TRAPPC9: variants seen among roughly 807,000 people sequenced by gnomAD.
The protein encoded by TRAPPC9 is trafficking protein particle complex subunit 9, also known as IKK2 binding protein.
TRAPPC9 carries 83 observed loss-of-function variants against 124.0 expected under a neutral mutation model. The observed-to-expected ratio is 0.67, with a 90% CI of 0.56 to 0.80. TRAPPC9 has a LOEUF of 0.80. Among genes scored for constraint, TRAPPC9 ranks in the 30% least tolerant of loss-of-function variants. The pLI is 0.00. For synonymous variants in TRAPPC9, 638 were observed against 617.5 expected, an observed-to-expected ratio of 1.03 and a Z score of -0.49; for missense variants, 1,302 against 1,508.3, an observed-to-expected ratio of 0.86 and a Z score of 2.27.
intron 21 of TRAPPC9, among the ~76,000 whole-genome samples, chr8:139,773,076 C>A (rs544546813): frequency 7.7e-4 from 117 of 152,236 alleles, no homozygotes; most frequent in Non-Finnish European, 1.2e-3. Flanking sequence ...TGCCCTGGGC[C>A]ACCTCGCAGT....
At chr8:140,347,406 A>G (rs192911844) in intron 9 of TRAPPC9, among the ~76,000 whole-genome samples, 200 of 152,316 alleles carry the variant, frequency 1.3e-3, no homozygotes, top group Non-Finnish European at 2.4e-3. Flanking sequence ...GTGCATATGT[A>G]TGGACATGTG....
At chr8:139,734,806 T>G (rs918537721) in intron 21 of TRAPPC9, among the ~76,000 whole-genome samples, 11 of 152,328 alleles carry the variant, frequency 7.2e-5, no homozygotes, top group Admixed American at 3.9e-4. Flanking sequence ...GTGCCCACTA[T>G]AGGGCCCAGG....
chr8:140,181,871 G>A (rs1007711672), intron 17 of TRAPPC9, among the ~76,000 whole-genome samples: 2 of 152,138 alleles, frequency 1.3e-5, no homozygotes, highest in Non-Finnish European at 2.9e-5. Context: ...TCTGTGGCCA[G>A]AGAAGTATCT....
intron 21 of TRAPPC9, among the ~76,000 whole-genome samples, chr8:139,876,722 C>T (rs114886365): frequency 6.6e-6 from 1 of 152,194 alleles, no homozygotes; most frequent in African/African-American, 2.4e-5. Flanking sequence ...CTTAGGCCCC[C>T]AGCCTCACCT....
chr8:140,221,719 C>A (rs1369366693), intron 16 of TRAPPC9, 136 bp from the exon 17 acceptor site: 1 of 1,222,666 alleles, frequency 8.2e-7, no homozygotes, highest in East Asian at 2.8e-5. Context: ...CTCACTGCAA[C>A]CTTTGCCTCC....
intron 21 of TRAPPC9, among the ~76,000 whole-genome samples, chr8:139,755,001 G>C (rs889026713): frequency 6.6e-6 from 1 of 152,242 alleles, no homozygotes; most frequent in Non-Finnish European, 1.5e-5. Context: ...TGGGAAGGAC[G>C]GGCCAAAGCC....
chr8:139,917,236 C>T (rs1003763947), intron 19 of TRAPPC9, among the ~76,000 whole-genome samples: 31 of 135,212 alleles, frequency 2.3e-4, no homozygotes, highest in African/African-American at 8.6e-4. Context: ...TGCAGTGGCG[C>T]GATCTCGGCT....
intron 17 of TRAPPC9, among the ~76,000 whole-genome samples, chr8:140,074,910 C>T (rs76518895): frequency 0.055 from 8,329 of 152,232 alleles, 284 homozygotes; most frequent in East Asian, 0.077. Flanking sequence ...GACCTGCATT[C>T]AGATGCTGAT....
At chr8:139,867,174 T>C (rs914241327) in intron 21 of TRAPPC9, among the ~76,000 whole-genome samples, 6 of 152,114 alleles carry the variant, frequency 3.9e-5, no homozygotes, top group Admixed American at 2.0e-4. Context: ...AAGACTCCTG[T>C]GAGAAATGAG....
chr8:140,331,503 C>A (rs1032427548), intron 9 of TRAPPC9, among the ~76,000 whole-genome samples: 3 of 152,174 alleles, frequency 2.0e-5, no homozygotes, highest in African/African-American at 7.2e-5. Context: ...AACCTCTGCA[C>A]AGCAAAGGAA....
chr8:139,952,475 A>C (rs2131513566), intron 19 of TRAPPC9, among the ~76,000 whole-genome samples: 1 of 152,358 alleles, frequency 6.6e-6, no homozygotes, highest in East Asian at 1.9e-4. Flanking sequence ...AGAATGCACC[A>C]AACAGGACCT....
chr8:140,260,323 T>C (rs986551185), intron 15 of TRAPPC9, among the ~76,000 whole-genome samples: 1 of 152,138 alleles, frequency 6.6e-6, no homozygotes, highest in South Asian at 2.1e-4. Flanking sequence ...CCAATGGTGA[T>C]GCTTTCTATG....
intron 19 of TRAPPC9, among the ~76,000 whole-genome samples, chr8:139,985,733 G>A (rs929929690): frequency 3.3e-5 from 5 of 152,096 alleles, no homozygotes; most frequent in East Asian, 1.9e-4. Flanking sequence ...ACATTCATGC[G>A]TGTCATTAAC....
chr8:139,916,856 C>A (rs1832166194), intron 19 of TRAPPC9, among the ~76,000 whole-genome samples: 2 of 152,220 alleles, frequency 1.3e-5, no homozygotes, highest in South Asian at 4.1e-4. Flanking sequence ...TATAATTCAA[C>A]TGAACTTTCA....
chr8:140,208,058 G>A (rs1209129967), intron 17 of TRAPPC9, among the ~76,000 whole-genome samples: 3 of 151,844 alleles, frequency 2.0e-5, no homozygotes, highest in Admixed American at 6.6e-5. Context: ...GCGGAGGCAG[G>A]AGAATCGCTT....
intron 21 of TRAPPC9, among the ~76,000 whole-genome samples, chr8:139,826,080 G>C (rs1471065726): frequency 6.6e-6 from 1 of 152,208 alleles, no homozygotes; most frequent in East Asian, 1.9e-4. Context: ...GGCCAGGTCT[G>C]AAGTAGGGGA....
intron 19 of TRAPPC9, among the ~76,000 whole-genome samples, chr8:139,979,672 G>C (rs559963607): frequency 4.2e-4 from 64 of 152,134 alleles, no homozygotes; most frequent in Non-Finnish European, 7.9e-4. Context: ...ATCTGAGGTG[G>C]AAAACAACAA....
At chr8:139,914,584 G>A (rs1472992508) in intron 19 of TRAPPC9, among the ~76,000 whole-genome samples, 2 of 152,196 alleles carry the variant, frequency 1.3e-5, no homozygotes, top group African/African-American at 4.8e-5. Context: ...GAGCATCTCT[G>A]TGGAATGCAG....
At chr8:140,122,980 T>A (rs2061015738) in intron 17 of TRAPPC9, among the ~76,000 whole-genome samples, 1 of 152,164 alleles carries the variant, frequency 6.6e-6, no homozygotes. Context: ...TGCTACTGGG[T>A]CCTATACATT....
Sources: gnomAD v4.1 joint callset for allele counts (sites outside exome capture counted in the v4.1 genomes callset) on GRCh38, gnomAD v4.1.1 for gene constraint, MANE v1.5 for transcripts, NCBI Gene and HGNC (gene_info 2026-07-23, HGNC 2026-07-21) for gene names.